Variants in VGLL4 observed in about 807,000 individuals in gnomAD.
VGLL4 encodes transcription cofactor vestigial-like protein 4.
Under a neutral mutation model 21.0 loss-of-function variants are expected in VGLL4, and 7 were observed. The ratio of observed to expected loss-of-function variants is 0.33; its 90% CI spans 0.19 to 0.63. VGLL4 has a LOEUF of 0.63. Ranked by LOEUF, VGLL4 falls within the 20% of genes least tolerant of loss-of-function variation. VGLL4 has a pLI of 0.78. For missense variants in VGLL4, 394 were observed against 425.7 expected, an observed-to-expected ratio of 0.93 and a Z score of 0.66; for synonymous variants, 222 against 173.2, an observed-to-expected ratio of 1.28 and a Z score of -2.21.
At chr3:11,701,064 C>T (rs893499844) in intron 2 of VGLL4, among the ~76,000 whole-genome samples, 8 of 152,038 alleles carry the variant, frequency 5.3e-5, no homozygotes, top group African/African-American at 1.9e-4. Context: ...TGGGAAGACA[C>T]AGACGCATGA....
intron 2 of VGLL4, among the ~76,000 whole-genome samples, chr3:11,589,716 C>A (rs1200320517): frequency 6.6e-6 from 1 of 152,206 alleles, no homozygotes; most frequent in Non-Finnish European, 1.5e-5. Context: ...CGGACGCCAG[C>A]ATGGTTGGTG....
upstream of VGLL4, among the ~76,000 whole-genome samples, chr3:11,646,239 C>T (rs2075789531): frequency 6.6e-6 from 1 of 152,182 alleles, no homozygotes; most frequent in Non-Finnish European, 1.5e-5. Flanking sequence ...AAACTCGTAA[C>T]ATCCAGTATA....
chr3:11,716,805 CG>C (rs202235626), intron 1 of VGLL4, among the ~76,000 whole-genome samples: 2 of 151,116 alleles, frequency 1.3e-5, no homozygotes, highest in Non-Finnish European at 2.9e-5. Flanking sequence ...TTTTTTTTTG[CG>C]GGGGGGTGGT....
At chr3:11,589,455 A>G (rs6795585) in intron 2 of VGLL4, among the ~76,000 whole-genome samples, 142,041 of 152,256 alleles carry the variant, frequency 0.93, 66,388 homozygotes, top group African/African-American at 0.95. Flanking sequence ...TCATACTTAA[A>G]CTTTACAGCA....
At chr3:11,620,646 G>A (rs142045474) in intron 1 of VGLL4, among the ~76,000 whole-genome samples, 16 of 152,216 alleles carry the variant, frequency 1.1e-4, no homozygotes, top group African/African-American at 3.6e-4. Context: ...GACTTACTTC[G>A]CGGAAAATTT....
chr3:11,623,755 T>G (rs2075306580), intron 1 of VGLL4, among the ~76,000 whole-genome samples: 1 of 152,130 alleles, frequency 6.6e-6, no homozygotes, highest in Non-Finnish European at 1.5e-5. Context: ...TTTTCTTTTT[T>G]TTTTTTTGAG....
rs181473363 is a variant in VGLL4 at position 11,639,495 on chromosome 3, A to T, written c.82+3942T>A. On this transcript the variant is annotated intron_variant, in intron 1 of 4. Transcript: ENST00000430365. ...GGGAGAGGCTCCACTGTGTGCTGTAATCCAGGGTGTTATCCCCGTGCTAGG... is the reference window on the plus strand; with the variant it reads ...GGGAGAGGCTCCACTGTGTGCTGTATTCCAGGGTGTTATCCCCGTGCTAGG... Among the ~76,000 whole-genome samples the T allele has an allele frequency of 1.2e-3, 183 of 152,356 alleles. 1 individual carries two copies. Among genetic ancestry groups the T allele is most frequent in the African/African-American group, 4.2e-3 (174 of 41,594 alleles).
At chr3:11,566,779 G>A (rs1356732223) in intron 2 of VGLL4, among the ~76,000 whole-genome samples, 1 of 152,122 alleles carries the variant, frequency 6.6e-6, no homozygotes, top group African/African-American at 2.4e-5. Context: ...CACCGTCAAT[G>A]ATCTCTTCGT....
chr3:11,560,323 G>T (rs62245959), intron 3 of VGLL4, among the ~76,000 whole-genome samples: 19,376 of 152,222 alleles, frequency 0.13, 1,416 homozygotes, highest in Middle Eastern at 0.21. Flanking sequence ...ACTTCCTCAG[G>T]TTCCCCCAGG....
intron 2 of VGLL4, chr3:11,671,187 C>A: frequency 6.7e-7 from 1 of 1,482,028 alleles, no homozygotes; most frequent in Non-Finnish European, 9.1e-7. Context: ...CTTTGCAATA[C>A]TATTTTGCAA....
At chr3:11,574,574 G>A (rs928152457) in intron 2 of VGLL4, among the ~76,000 whole-genome samples, 1 of 152,082 alleles carries the variant, frequency 6.6e-6, no homozygotes, top group Non-Finnish European at 1.5e-5. Context: ...CCAGCACTAT[G>A]GTCACCTAGA....
At chr3:11,654,088 C>G (rs992113304) in intron 2 of VGLL4, among the ~76,000 whole-genome samples, 5 of 147,796 alleles carry the variant, frequency 3.4e-5, no homozygotes, top group Non-Finnish European at 7.4e-5. Flanking sequence ...ACACCCCCCA[C>G]CACCACCACC....
intron 1 of VGLL4, among the ~76,000 whole-genome samples, chr3:11,624,781 G>A (rs1461620753): frequency 6.6e-6 from 1 of 152,124 alleles, no homozygotes; most frequent in Non-Finnish European, 1.5e-5. Context: ...AATGAGAGGG[G>A]CAAGGAAAGA....
chr3:11,709,515 T>A (rs1479604070), intron 1 of VGLL4, among the ~76,000 whole-genome samples: 1 of 151,676 alleles, frequency 6.6e-6, no homozygotes, highest in East Asian at 1.9e-4. Flanking sequence ...TTCTGGTCTA[T>A]CTATTCACCT....
intron 2 of VGLL4, chr3:11,693,045 C>T (rs1299197484): frequency 1.6e-5 from 3 of 185,410 alleles, no homozygotes; most frequent in Non-Finnish European, 1.2e-5. Flanking sequence ...TGGTGTGTAC[C>T]TGTGGTCCCA....
chr3:11,588,642 G>A (rs1367559711), intron 2 of VGLL4, among the ~76,000 whole-genome samples: 4 of 152,246 alleles, frequency 2.6e-5, no homozygotes, highest in African/African-American at 9.6e-5. Context: ...AGGGCCTACT[G>A]GGAAGTTAGC....
chr3:11,571,679 T>C (rs1220977380), intron 2 of VGLL4, among the ~76,000 whole-genome samples: 1 of 152,014 alleles, frequency 6.6e-6, no homozygotes, highest in East Asian at 1.9e-4. Context: ...GAAATAAAAA[T>C]AAAATACTCC....
chr3:11,606,043 G>T (rs902622268), intron 1 of VGLL4, among the ~76,000 whole-genome samples: 1 of 152,196 alleles, frequency 6.6e-6, no homozygotes, highest in African/African-American at 2.4e-5. Context: ...AGAGAAAGAG[G>T]CTTGATGGAT....
At chr3:11,658,195 A>G (rs938095843) in intron 2 of VGLL4, among the ~76,000 whole-genome samples, 1 of 152,164 alleles carries the variant, frequency 6.6e-6, no homozygotes, top group African/African-American at 2.4e-5. Context: ...TTGGCCTCCC[A>G]AAGTGCTGGG....
Sources: allele counts gnomAD v4.1 joint callset (sites outside exome capture counted in the v4.1 genomes callset), GRCh38; gene constraint gnomAD v4.1.1; transcripts MANE v1.5; gene names NCBI Gene and HGNC (gene_info 2026-07-23, HGNC 2026-07-21).